Variants in SLC24A2 observed in about 807,000 individuals in gnomAD.
SLC24A2 encodes sodium/potassium/calcium exchanger 2.
SLC24A2 carries 36 observed loss-of-function variants against 62.0 expected under a neutral mutation model. The observed-to-expected ratio is 0.58, with a 90% confidence interval of 0.44 to 0.77. SLC24A2 has a LOEUF of 0.77. Ranked by LOEUF, SLC24A2 falls within the 30% of genes least tolerant of loss-of-function variation. The pLI, the probability that SLC24A2 is intolerant of heterozygous loss-of-function variation, is 0.00. For missense variants in SLC24A2, 846 were observed against 817.9 expected, an observed-to-expected ratio of 1.03 and a Z score of -0.42; for synonymous variants, 358 against 294.0, an observed-to-expected ratio of 1.22 and a Z score of -2.23.
At chr9:19,664,761 T>C (rs1416270773) in intron 2 of SLC24A2, among the ~76,000 whole-genome samples, 1 of 151,926 alleles carries the variant, frequency 6.6e-6, no homozygotes, top group Non-Finnish European at 1.5e-5. Context: ...CATATGATGA[T>C]AGAGGCAGAG....
intron 4 of SLC24A2, among the ~76,000 whole-genome samples, chr9:19,617,069 T>C (rs1817787168): frequency 6.6e-6 from 1 of 152,186 alleles, no homozygotes; most frequent in Non-Finnish European, 1.5e-5. Context: ...CAAGCTTTTC[T>C]ACACCAGACA....
At chr9:20,101,468 A>C in the SLC24A2 span, among the ~76,000 whole-genome samples, 14 of 152,358 alleles carry the variant, frequency 9.2e-5, no homozygotes, top group Admixed American at 7.2e-4. Context: ...AGACTTATTA[A>C]AACAGCCTCC....
intron 2 of SLC24A2, among the ~76,000 whole-genome samples, chr9:19,684,095 G>A (rs1180023391): frequency 6.6e-6 from 1 of 152,168 alleles, no homozygotes; most frequent in East Asian, 1.9e-4. Context: ...TGCTCTAGGG[G>A]ACCAGGCAGC....
the SLC24A2 span, among the ~76,000 whole-genome samples, chr9:20,136,240 T>C: frequency 6.6e-6 from 1 of 152,130 alleles, no homozygotes; most frequent in Non-Finnish European, 1.5e-5. Context: ...AAAACATATC[T>C]CATTCAGTAT....
the SLC24A2 span, among the ~76,000 whole-genome samples, chr9:20,241,561 C>G: frequency 4.2e-4 from 64 of 152,054 alleles, no homozygotes; most frequent in Admixed American, 6.6e-4. Context: ...CATCATAGTA[C>G]CTGGTACAAA....
At chr9:19,941,556 AGTGTGTGT>A in the SLC24A2 span, among the ~76,000 whole-genome samples, 21 of 134,158 alleles carry the variant, frequency 1.6e-4, no homozygotes, top group African/African-American at 3.9e-4. Context: ...GAGGACTGGG[AGTGTGTGT>A]GTGTGTGTGT....
chr9:20,240,886 T>TC, the SLC24A2 span, among the ~76,000 whole-genome samples: 1 of 152,174 alleles, frequency 6.6e-6, no homozygotes, highest in African/African-American at 2.4e-5. Flanking sequence ...CATAACCAGT[T>TC]ACAGAGTCTC....
chr9:19,993,587 T>C, the SLC24A2 span, among the ~76,000 whole-genome samples: 5 of 152,194 alleles, frequency 3.3e-5, no homozygotes, highest in East Asian at 9.6e-4. Context: ...GAGTACCTGC[T>C]ACTATGTTCA....
At chr9:20,218,587 G>A in the SLC24A2 span, among the ~76,000 whole-genome samples, 3 of 152,234 alleles carry the variant, frequency 2.0e-5, no homozygotes, top group Admixed American at 6.5e-5. Flanking sequence ...TTATAACAGG[G>A]TAATTGTTGT....
intron 2 of SLC24A2, among the ~76,000 whole-genome samples, chr9:19,624,839 C>CCACATCTA (rs1564003985): frequency 6.6e-6 from 1 of 152,150 alleles, no homozygotes; most frequent in African/African-American, 2.4e-5. Flanking sequence ...AGGGGCTCAC[C>CCACATCTA]CACATCTACT....
the SLC24A2 span, among the ~76,000 whole-genome samples, chr9:20,063,156 G>A: frequency 6.9e-6 from 1 of 144,918 alleles, no homozygotes; most frequent in Non-Finnish European, 1.5e-5. Flanking sequence ...ATACCCAAAG[G>A]ACTATAAATC....
intron 2 of SLC24A2, among the ~76,000 whole-genome samples, chr9:19,662,880 G>A (rs747731172): frequency 6.6e-6 from 1 of 152,126 alleles, no homozygotes; most frequent in Non-Finnish European, 1.5e-5. Context: ...GTGTGTGCAC[G>A]TGTGTGTATG....
the SLC24A2 span, among the ~76,000 whole-genome samples, chr9:20,190,026 C>G: frequency 5.9e-5 from 9 of 152,152 alleles, no homozygotes; most frequent in African/African-American, 2.2e-4. Context: ...ATTCCCGGCA[C>G]CCCACTGGGA....
chr9:20,176,470 T>C, the SLC24A2 span, among the ~76,000 whole-genome samples: 2 of 151,834 alleles, frequency 1.3e-5, no homozygotes, highest in African/African-American at 2.4e-5. Context: ...TTTTGGAGAG[T>C]AATAAAAAAC....
chr9:20,083,914 G>A, the SLC24A2 span, among the ~76,000 whole-genome samples: 12 of 152,148 alleles, frequency 7.9e-5, 1 homozygote, highest in Non-Finnish European at 1.2e-4. Flanking sequence ...GTTCGATGTC[G>A]CTGTTACACT....
chr9:19,877,231 C>T, the SLC24A2 span, among the ~76,000 whole-genome samples: 1 of 150,366 alleles, frequency 6.7e-6, no homozygotes, highest in African/African-American at 2.4e-5. Context: ...AACAATTCTT[C>T]GGTGGGAAGC....
chr9:20,127,804 G>A, the SLC24A2 span, among the ~76,000 whole-genome samples: 1 of 152,172 alleles, frequency 6.6e-6, no homozygotes, highest in Non-Finnish European at 1.5e-5. Context: ...ATGTCAGGCA[G>A]TAGGCATGAA....
chr9:20,207,795 A>G, the SLC24A2 span, among the ~76,000 whole-genome samples: 1 of 152,308 alleles, frequency 6.6e-6, no homozygotes, highest in African/African-American at 2.4e-5. Context: ...TGGGGATAAC[A>G]AATATTTATG....
At chr9:20,101,553 A>G in the SLC24A2 span, among the ~76,000 whole-genome samples, 2 of 152,148 alleles carry the variant, frequency 1.3e-5, no homozygotes, top group African/African-American at 4.8e-5. Context: ...GTGGCTTCCT[A>G]AAGGCTGCCC....
Sources: allele counts gnomAD v4.1 joint callset (sites outside exome capture counted in the v4.1 genomes callset), GRCh38; gene constraint gnomAD v4.1.1; transcripts MANE v1.5; gene names NCBI Gene and HGNC (gene_info 2026-07-23, HGNC 2026-07-21).